RBPJL: variants seen among roughly 807,000 people sequenced by gnomAD.
RBPJL encodes recombination signal binding protein for immunoglobulin kappa J region like.
In RBPJL, 50 loss-of-function variants were observed where a neutral mutation model predicts 57.6. The observed-to-expected ratio is 0.87, with a 90% CI of 0.69 to 1.10. The LOEUF is 1.10. RBPJL is among the 50% of genes least tolerant of loss of function. RBPJL has a pLI of 0.00. For synonymous variants in RBPJL, 303 were observed against 294.4 expected (o/e 1.03, Z -0.30); for missense variants, 684 against 693.7 (o/e 0.99, Z 0.16).
intron 9 of RBPJL, among the ~76,000 whole-genome samples, chr20:45,315,590 A>C (rs1987408426): frequency 6.6e-6 from 1 of 151,752 alleles, no homozygotes; most frequent in Non-Finnish European, 1.5e-5. Context: ...AATACAAAAA[A>C]ATTATTTGGG....
At chr20:45,316,075 T>G in intron 9 of RBPJL, 112 bp from the exon 10 acceptor site, 1 of 1,006,714 alleles carries the variant, frequency 9.9e-7, no homozygotes, top group Non-Finnish European at 1.5e-6. Flanking sequence ...CCCCAGAGCC[T>G]AGGATTAGTA....
At chr20:45,316,452 C>T in intron 10 of RBPJL, 25 bp from the exon 11 acceptor site, 1 of 1,554,546 alleles carries the variant, frequency 6.4e-7, no homozygotes, top group African/African-American at 1.4e-5. Context: ...GTTCTCTCAC[C>T]TCACCTGGTC....
chr20:45,312,527 G>C, intron 6 of RBPJL, 132 bp downstream of exon 6: 1 of 875,872 alleles, frequency 1.1e-6, no homozygotes, highest in Middle Eastern at 3.4e-4. Flanking sequence ...AGTCGGAGCC[G>C]AGAGGGGAAG....
intron 7 of RBPJL, 73 bp from the exon 8 acceptor site, chr20:45,313,962 C>A: frequency 9.3e-7 from 1 of 1,077,196 alleles, no homozygotes; most frequent in Admixed American, 1.8e-5. Context: ...GAGCCAGAGG[C>A]AACAAGGCAG....
chr20:45,307,052 G>A (rs1986769092), intron 1 of RBPJL, 108 bp downstream of exon 1: 1 of 686,192 alleles, frequency 1.5e-6, no homozygotes, highest in African/African-American at 2.0e-5. Context: ...GCCCCAAGGA[G>A]GCAGCCCGCC....
At chr20:45,307,097 TG>T (rs1431763214) in intron 1 of RBPJL, among the ~76,000 whole-genome samples, 153 bp downstream of exon 1, 4 of 144,536 alleles carry the variant, frequency 2.8e-5, no homozygotes, top group Non-Finnish European at 5.9e-5. Context: ...CTAGGGCTCC[TG>T]GTTCCCCTTC....
At position 45,314,202 on chromosome 20, in the gene RBPJL, G is replaced by A. The variant is rs887428095; in HGVS notation, c.867+58G>A. 10 of 1,462,100 alleles carry A rather than the reference G, an allele frequency of 6.8e-6. No individual in the cohort carries two copies. The African/African-American group carries it at 1.3e-4, about 18-fold the overall frequency. The allele number at this position is 1,462,100 out of a possible 1,614,324, so 90.6% of individuals were successfully genotyped here. A position where few individuals can be genotyped will look rare whatever the true frequency, so the allele number is the denominator to read the frequency against. On this transcript the variant is annotated intron_variant, in intron 8 of 11. Coordinates refer to ENST00000343694, the MANE Select transcript of RBPJL (RefSeq NM_014276.4). Reference sequence around the variant, plus strand: ...CCCTCAGATCCATGCAGAGAATGTGGCACACACGGGCAGGGCTGGAGAGTG... The same window carrying A: ...CCCTCAGATCCATGCAGAGAATGTGACACACACGGGCAGGGCTGGAGAGTG...
At position 45,306,882 on chromosome 20, in the gene RBPJL, A is replaced by G. The variant is rs1025676073; in HGVS notation, c.-41A>G. 2.1e-5 allele frequency: 26 copies of G among 1,255,340 alleles called. No homozygotes were observed. The highest frequency in any genetic ancestry group is 2.6e-4 in the Middle Eastern group (1 of 3,914). The allele number at this position is 1,255,340 out of a possible 1,614,324, so 77.8% of individuals were successfully genotyped here. ...AGCGACAGCAGCACTGGACTCGTCC[A>G]GAGGGCGGCGGGTGAGCGGCTGGGG... On this transcript the variant is annotated 5_prime_UTR_variant, in exon 1 of 12. Coordinates refer to ENST00000343694, the MANE Select transcript of RBPJL (RefSeq NM_014276.4).
In RBPJL at chr20:45,317,107, G is replaced by A. The variant is rs1987518493; in HGVS notation, c.*148G>A. ...TCACCCTAGAAACCGGGCCTGGTGG[G>A]TCTTACCCGGCTCACTCCCTCCCTT... On this transcript the variant is annotated 3_prime_UTR_variant, in exon 12 of 12. Transcript: ENST00000343694. 4 of 915,534 alleles carry A rather than the reference G, an allele frequency of 4.4e-6. No homozygotes were observed. The South Asian group carries it at 5.0e-5, about 11-fold the overall frequency. 56.7% of individuals were successfully genotyped at this position (915,534 alleles called of 1,614,324 possible). A position where few individuals can be genotyped will look rare whatever the true frequency, so the allele number is the denominator to read the frequency against.
intron 6 of RBPJL, 75 bp downstream of exon 6, chr20:45,312,470 C>A (rs1359948149): frequency 1.4e-6 from 2 of 1,458,708 alleles, no homozygotes; most frequent in African/African-American, 1.4e-5. Flanking sequence ...AACTGGGGCG[C>A]GGAGGTGGGG....
At chr20:45,311,728 G>T (rs1032084723) in intron 4 of RBPJL, 69 bp downstream of exon 4, 13 of 1,581,874 alleles carry the variant, frequency 8.2e-6, no homozygotes, top group Non-Finnish European at 1.0e-5. Context: ...GGCCCGAGAC[G>T]GGGCGGTTCG....
chr20:45,315,687 G>A (rs1049957399), intron 9 of RBPJL, among the ~76,000 whole-genome samples: 7 of 150,378 alleles, frequency 4.7e-5, no homozygotes, highest in Non-Finnish European at 8.8e-5. Flanking sequence ...GTTGCAATGA[G>A]CCAAGATCAG....
chr20:45,311,126 A>AAAAAAG (rs1350866676), intron 3 of RBPJL, among the ~76,000 whole-genome samples: 13 of 151,412 alleles, frequency 8.6e-5, no homozygotes, highest in Non-Finnish European at 2.9e-5. Flanking sequence ...CAAAAAAAAA[A>AAAAAAG]AAAAAGAAAA....
At chr20:45,310,763 G>T (rs1600714429) in intron 3 of RBPJL, among the ~76,000 whole-genome samples, 1 of 152,102 alleles carries the variant, frequency 6.6e-6, no homozygotes, top group Admixed American at 6.6e-5. Flanking sequence ...GGAGGACTTT[G>T]AATTTTAAAC....
intron 5 of RBPJL, 44 bp from the exon 6 acceptor site, chr20:45,312,177 G>C (rs1043000433): frequency 1.9e-6 from 3 of 1,613,112 alleles, no homozygotes; most frequent in Admixed American, 1.7e-5. Flanking sequence ...CATCCGACGG[G>C]GGAGGGCTGG....
At chr20:45,308,412 G>T (rs926836747) in intron 2 of RBPJL, 161 bp downstream of exon 2, 18 of 599,756 alleles carry the variant, frequency 3.0e-5, no homozygotes, top group Non-Finnish European at 5.4e-5. Context: ...CCTCCTGAGG[G>T]GGGGCAAACC....
chr20:45,316,844 G>A lies in RBPJL; in HGVS notation c.1439G>A (p.Ser480Asn). Reference sequence around the variant, plus strand: ...TCCTTCACCTACACCCCGGAATACAGCGTGCGGCCGGGTCACCCCGGCGTC... The same window carrying A: ...TCCTTCACCTACACCCCGGAATACAACGTGCGGCCGGGTCACCCCGGCGTC... ...AFSFTYTPEY[S>N]VRPGHPGVPE... The change falls in exon 12 of 12, where the codon AGC (serine) becomes AAC (asparagine). Residue 480 changes from serine (S) to asparagine (N), a missense_variant. Physicochemically the swap from Ser to Asn is conservative, Grantham distance 46 (BLOSUM62 1). Transcript: ENST00000343694. 1.9e-6 allele frequency: 3 copies of A among 1,613,912 alleles called. No homozygotes were observed. The highest frequency in any genetic ancestry group is 1.3e-5 in the African/African-American group (1 of 75,020).
In RBPJL at chr20:45,312,227, G is replaced by A. The variant is rs1465493729; in HGVS notation, c.451G>A (p.Gly151Ser). ...GTACCTGTGAGCCCCCTAGGAATTC[G>A]GCTGCGCCAAGACCCTGTACATCTC... Reference protein sequence around the residue: ...FEQQPDSREFGCAKTLYISDA... With the variant: ...FEQQPDSREFSCAKTLYISDA... Residue 151 changes from glycine (G) to serine (S), a missense_variant, in exon 6 of 12, where the codon GGC becomes AGC. Coordinates refer to ENST00000343694, the MANE Select transcript of RBPJL (RefSeq NM_014276.4). The A allele has an allele frequency of 1.9e-6, 3 of 1,614,196 alleles. No individual in the cohort carries two copies. The highest frequency in any genetic ancestry group is 2.5e-6 in the Non-Finnish European group (3 of 1,180,046).
At position 45,311,919 on chromosome 20, in the gene RBPJL, C is replaced by T. The variant is rs1302376468; in HGVS notation, c.409C>T (p.Gln137Ter). ...CGCGTCCGGCAGCGCCACTGAGACG[C>T]AGAAGCTGAATTTCGAGCAGCAGCC... ...DSASGSATET[Q>*]KLNFEQQPDS... The change falls in exon 5 of 12, where the codon CAG (glutamine) becomes TAG (stop). Residue 137 changes from glutamine (Q) to a stop codon, truncating the protein, a stop_gained. Coordinates refer to ENST00000343694, the MANE Select transcript of RBPJL (RefSeq NM_014276.4). LOFTEE classifies it high-confidence loss of function. The T allele has an allele frequency of 4.5e-6, 7 of 1,551,496 alleles. No homozygotes were observed. Among genetic ancestry groups the T allele is most frequent in the Non-Finnish European group, 6.1e-6 (7 of 1,147,032 alleles).
Sources: allele counts gnomAD v4.1 joint callset (sites outside exome capture counted in the v4.1 genomes callset), GRCh38; gene constraint gnomAD v4.1.1; transcripts MANE v1.5; gene names NCBI Gene and HGNC (gene_info 2026-07-23, HGNC 2026-07-21).